APCDD1L: variants seen among roughly 807,000 people sequenced by gnomAD.
The protein encoded by APCDD1L is protein APCDD1-like.
A neutral mutation model predicts 24.2 loss-of-function variants in APCDD1L; 21 were observed. The observed-to-expected ratio is 0.87, with a 90% CI of 0.61 to 1.25. The LOEUF (loss-of-function observed/expected upper bound fraction) is 1.25. Ranked by LOEUF, APCDD1L falls within the 50% of genes most tolerant of loss-of-function variation. The pLI is 0.00. For missense variants in APCDD1L, 704 were observed against 711.7 expected, an observed-to-expected ratio of 0.99 and a Z score of 0.12; for synonymous variants, 321 against 323.6, an observed-to-expected ratio of 0.99 and a Z score of 0.09.
In APCDD1L at chr20:58,514,538, T is replaced by C. The variant is rs868783016; in HGVS notation, c.49+121A>G. 9.2e-5 allele frequency: 93 copies of C among 1,011,006 alleles called. No individual in the cohort carries two copies. In the African/African-American group the frequency reaches 1.3e-3, roughly 14 times the overall value. The allele number at this position is 1,011,006 out of a possible 1,614,324, so 62.6% of individuals were successfully genotyped here. A position where few individuals can be genotyped will look rare whatever the true frequency, so the allele number is the denominator to read the frequency against. ...GGAGAAAGGCGCGCAGGGCGCAGCATAGCAGCCGCGTGGGCCGACCCAGGG... is the reference window on the plus strand; with the variant it reads ...GGAGAAAGGCGCGCAGGGCGCAGCACAGCAGCCGCGTGGGCCGACCCAGGG... On this transcript the variant is annotated intron_variant, in intron 1 of 3. Coordinates refer to ENST00000371149, the MANE Select transcript of APCDD1L (RefSeq NM_153360.3).
rs746411619 is a variant in APCDD1L at position 58,461,422 on chromosome 20, G to A, written c.874C>T (p.Arg292Cys). The A allele has an allele frequency of 3.9e-6, 6 of 1,530,976 alleles. No homozygotes were observed. In the African/African-American group the frequency reaches 4.1e-5, roughly 11 times the overall value. 94.8% of individuals were successfully genotyped at this position (1,530,976 alleles called of 1,614,324 possible). Residue 292 changes from arginine to cysteine, a missense_variant, in exon 4 of 4, where the codon CGC becomes TGC. Arg to Cys is a radical substitution (Grantham distance 180, BLOSUM62 -3). Transcript: ENST00000371149. This position sits in a 1 kb window ranked among gnomAD's most constrained non-coding sequence, Gnocchi z 6.0. Reference sequence around the variant, plus strand: ...CGGGTGAGGAACAGGACTGCTGGGCGCACCTCGCACCCCGAGCTGACCCAC... The same window carrying A: ...CGGGTGAGGAACAGGACTGCTGGGCACACCTCGCACCCCGAGCTGACCCAC... Reference protein sequence around the residue: ...GWWVSSGCEVRPAVLFLTRLF... With the variant: ...GWWVSSGCEVCPAVLFLTRLF...
rs1273763703 is a variant in APCDD1L at position 58,470,732 on chromosome 20, G to T, written c.65C>A (p.Ala22Glu). 1 of 1,539,056 alleles carries T rather than the reference G, an allele frequency of 6.5e-7. No homozygotes were observed. Among genetic ancestry groups the T allele is most frequent in the African/African-American group, 1.4e-5 (1 of 73,140 alleles). ...GCAGCTGCCCCCGGCCTCCCCAGCC[G>T]CCGGTGCAGTGTGGGCTGCAAAGCA... ...LVLLGAHTAP[A>E]AGEAGGSCLR... The change falls in exon 2 of 4, where the codon GCG becomes GAG. Residue 22 changes from alanine to glutamate, a missense_variant. By Grantham distance (107) the Ala-to-Glu change is moderately radical (BLOSUM62 -1). Coordinates refer to ENST00000371149, the MANE Select transcript of APCDD1L (RefSeq NM_153360.3).
chr20:58,502,377 A>G (rs1426013838), intron 1 of APCDD1L, among the ~76,000 whole-genome samples: 1 of 152,232 alleles, frequency 6.6e-6, no homozygotes, highest in Non-Finnish European at 1.5e-5. Flanking sequence ...TTGGGATTAC[A>G]GGCGTGAGAC....
At chr20:58,503,811 TG>T (rs1990486041) in intron 1 of APCDD1L, among the ~76,000 whole-genome samples, 1 of 152,212 alleles carries the variant, frequency 6.6e-6, no homozygotes, top group Non-Finnish European at 1.5e-5. Flanking sequence ...ATCTGACTCA[TG>T]TAAGCTAAAA....
Position 58,494,455 on chromosome 20 carries a change from CCT to C in APCDD1L, c.49+20202_49+20203del, listed in dbSNP as rs1380227282. Reference sequence around the variant, plus strand: ...TCAAGCCATCCTCTGGCCTCAGCCTCCTGAGTAGCTGGGATTACAGGTGTGCA... The same window carrying C: ...TCAAGCCATCCTCTGGCCTCAGCCTCGAGTAGCTGGGATTACAGGTGTGCA... On this transcript the variant is annotated intron_variant, in intron 1 of 3. Transcript: ENST00000371149. This position sits in a 1 kb window ranked among gnomAD's most constrained non-coding sequence, Gnocchi z 4.8. Among the ~76,000 whole-genome samples, 1 of 152,100 alleles carries C rather than the reference CCT, an allele frequency of 6.6e-6. No homozygotes were observed. Among genetic ancestry groups the C allele is most frequent in the Non-Finnish European group, 1.5e-5 (1 of 68,014 alleles).
intron 2 of APCDD1L, 130 bp downstream of exon 2, chr20:58,470,479 C>G: frequency 7.8e-7 from 1 of 1,284,734 alleles, no homozygotes; most frequent in Admixed American, 2.9e-5. Flanking sequence ...GCATCTCCAG[C>G]AGCTTGGCAG....
At chr20:58,481,430 G>A (rs1285967461) in intron 1 of APCDD1L, among the ~76,000 whole-genome samples, 1 of 152,232 alleles carries the variant, frequency 6.6e-6, no homozygotes, top group Non-Finnish European at 1.5e-5. Context: ...GCCCCCTTGA[G>A]CGGCTGAACT....
chr20:58,480,945 G>A (rs1267845106), intron 1 of APCDD1L, among the ~76,000 whole-genome samples: 1 of 152,204 alleles, frequency 6.6e-6, no homozygotes, highest in Non-Finnish European at 1.5e-5. Flanking sequence ...CAGATGTTCC[G>A]GTGTTTTGGA....
intron 1 of APCDD1L, among the ~76,000 whole-genome samples, chr20:58,487,748 C>A (rs1194149562): frequency 1.3e-5 from 2 of 152,134 alleles, no homozygotes; most frequent in Non-Finnish European, 2.9e-5. Flanking sequence ...AAAGGTCCAA[C>A]CTGCCAAGAA....
chr20:58,487,583 A>G (rs1001926818), intron 1 of APCDD1L, among the ~76,000 whole-genome samples: 17 of 152,212 alleles, frequency 1.1e-4, no homozygotes, highest in Admixed American at 5.9e-4. Context: ...TAACAGACAT[A>G]CTTGAATTAT....
intron 1 of APCDD1L, among the ~76,000 whole-genome samples, chr20:58,489,750 A>G (rs1455706678): frequency 6.6e-6 from 1 of 152,132 alleles, no homozygotes; most frequent in African/African-American, 2.4e-5. Context: ...AGAAAGTAGA[A>G]AAAGGGTGCA....
intron 1 of APCDD1L, among the ~76,000 whole-genome samples, chr20:58,500,363 G>C (rs753703286): frequency 8.3e-4 from 127 of 152,182 alleles, no homozygotes; most frequent in Non-Finnish European, 1.6e-3. Flanking sequence ...GAGTCTTCTG[G>C]CATTTGCTAC....
In APCDD1L at chr20:58,467,626, G is replaced by A; in HGVS notation, c.221C>T (p.Thr74Ile). The A allele has an allele frequency of 1.3e-6, 2 of 1,522,374 alleles. No individual in the cohort carries two copies. Among genetic ancestry groups the A allele is most frequent in the South Asian group, 2.5e-5 (2 of 79,542 alleles). 94.3% of individuals were successfully genotyped at this position (1,522,374 alleles called of 1,614,324 possible). A position where few individuals can be genotyped will look rare whatever the true frequency, so the allele number is the denominator to read the frequency against. ...CEVRPGPEFL[T>I]RAYTFYPSRL... is the part of the protein sequence containing the mutation. ...GCTGGGGTAGAAGGTGTAGGCGCGG[G>A]TCAGGAACTCCGGTCCTGGGCGCAC... The change falls in exon 3 of 4, where the codon ACC (threonine) becomes ATC (isoleucine). Residue 74 changes from threonine (T) to isoleucine (I), a missense_variant. Thr to Ile is a moderately conservative substitution (Grantham distance 89). Transcript: ENST00000371149. The surrounding 1 kb of genome is among the most constrained non-coding windows in gnomAD (Gnocchi z 5.9).
At chr20:58,471,355 C>T (rs1989809193) in intron 1 of APCDD1L, among the ~76,000 whole-genome samples, 2 of 152,220 alleles carry the variant, frequency 1.3e-5, no homozygotes. Flanking sequence ...GAGCGTGTGG[C>T]AAGGGAAAGA....
chr20:58,510,095 AG>A (rs1990599017), intron 1 of APCDD1L, among the ~76,000 whole-genome samples: 1 of 152,094 alleles, frequency 6.6e-6, no homozygotes, highest in Non-Finnish European at 1.5e-5. Context: ...TCACCTTTCT[AG>A]GGAGGCCTTC....
chr20:58,482,424 A>G (rs1349356321), intron 1 of APCDD1L, among the ~76,000 whole-genome samples: 1 of 152,238 alleles, frequency 6.6e-6, no homozygotes, highest in Admixed American at 6.5e-5. Flanking sequence ...ATATTGGCTT[A>G]AGTGTTGCAG....
At chr20:58,475,555 C>A (rs1314463905) in intron 1 of APCDD1L, among the ~76,000 whole-genome samples, 1 of 151,940 alleles carries the variant, frequency 6.6e-6, no homozygotes, top group South Asian at 2.1e-4. Flanking sequence ...ACAAGGGACT[C>A]GTGGGTGTGG....
intron 1 of APCDD1L, among the ~76,000 whole-genome samples, chr20:58,490,306 G>A (rs982373493): frequency 6.6e-6 from 1 of 152,154 alleles, no homozygotes; most frequent in Non-Finnish European, 1.5e-5. Context: ...CCCTAGACCA[G>A]CTTCTGGTTC....
At chr20:58,479,011 T>C (rs1286222545) in intron 1 of APCDD1L, among the ~76,000 whole-genome samples, 2 of 152,088 alleles carry the variant, frequency 1.3e-5, no homozygotes, top group Non-Finnish European at 2.9e-5. Context: ...CTTTTCACCC[T>C]TGGAACCTGC....
Sources: allele counts gnomAD v4.1 joint callset (sites outside exome capture counted in the v4.1 genomes callset), GRCh38; gene constraint gnomAD v4.1.1; non-coding constraint Gnocchi (gnomAD v3.1); transcripts MANE v1.5; gene names NCBI Gene and HGNC (gene_info 2026-07-23, HGNC 2026-07-21).